Variants in ZMIZ1 observed in about 807,000 individuals in gnomAD.
ZMIZ1 encodes zinc finger MIZ-type containing 1, also known as zinc finger MIZ domain-containing protein 1.
A neutral mutation model predicts 113.9 loss-of-function variants in ZMIZ1; 17 were observed. The ratio of observed to expected loss-of-function variants is 0.15; its 90% CI spans 0.10 to 0.22. ZMIZ1 has a LOEUF of 0.22. ZMIZ1 is among the 10% of genes least tolerant of loss of function. The pLI is 1.00. For missense variants in ZMIZ1, 1,059 were observed against 1,477.8 expected, an observed-to-expected ratio of 0.72 and a Z score of 4.65; for synonymous variants, 607 against 603.1, an observed-to-expected ratio of 1.01 and a Z score of -0.09.
rs1410847261 is a variant in ZMIZ1 at position 79,296,393 on chromosome 10, C to T, written c.1231-78C>T. 2 of 1,507,258 alleles carry T rather than the reference C, an allele frequency of 1.3e-6. No homozygotes were observed. Among genetic ancestry groups the T allele is most frequent in the African/African-American group, 1.4e-5 (1 of 72,886 alleles). 93.4% of individuals were successfully genotyped at this position (1,507,258 alleles called of 1,614,324 possible). On this transcript the variant is annotated intron_variant, in intron 12 of 24. Coordinates refer to ENST00000334512, the MANE Select transcript of ZMIZ1 (RefSeq NM_020338.4). The surrounding 1 kb of genome is among the most constrained non-coding windows in gnomAD (Gnocchi z 4.1). ...GCAAATGAGGAGAGGCGGGCCCCAT[C>T]CCGTTGTTCAGGTGACCTGGCTATG...
chr10:79,073,357 G>A (rs1229684102), intron 1 of ZMIZ1, among the ~76,000 whole-genome samples: 1 of 152,220 alleles, frequency 6.6e-6, no homozygotes, highest in Non-Finnish European at 1.5e-5. Flanking sequence ...GCAAGTGCTA[G>A]AAGCATTTTG....
chr10:79,136,006 GGAAAACAAAGAGA>G (rs1844992543), intron 2 of ZMIZ1, among the ~76,000 whole-genome samples: 1 of 152,134 alleles, frequency 6.6e-6, no homozygotes, highest in African/African-American at 2.4e-5. Context: ...GAGGGCAGAT[GGAAAACAAAGAGA>G]GAAAACAAAG....
At position 79,208,361 on chromosome 10, in the gene ZMIZ1, A is replaced by C; in HGVS notation, c.86A>C (p.His29Pro). ...KQHLQNPANF[H>P]NAATELLDWC... Reference sequence around the variant, plus strand: ...CACTTACAGAATCCTGCCAACTTCCACAATGCCGCCACGGAGCTGCTGGAC... The same window carrying C: ...CACTTACAGAATCCTGCCAACTTCCCCAATGCCGCCACGGAGCTGCTGGAC... The change falls in exon 6 of 25, where the codon CAC becomes CCC. Residue 29 changes from histidine (H) to proline (P), a missense_variant. Physicochemically the swap from His to Pro is moderately conservative, Grantham distance 77 (BLOSUM62 -2). This residue lies in a region of ZMIZ1 where 272 missense variants were observed against 350.4 expected (regional missense o/e 0.78). Transcript: ENST00000334512. 1 of 1,613,934 alleles carries C rather than the reference A, an allele frequency of 6.2e-7. No individual in the cohort carries two copies. The highest frequency in any genetic ancestry group is 1.7e-5 in the Admixed American group (1 of 60,018).
chr10:79,140,008 G>A (rs968278851), intron 3 of ZMIZ1, among the ~76,000 whole-genome samples: 2 of 152,220 alleles, frequency 1.3e-5, no homozygotes, highest in Non-Finnish European at 2.9e-5. Context: ...CCAAAATGGG[G>A]CACTGGGCTC....
intron 3 of ZMIZ1, among the ~76,000 whole-genome samples, chr10:79,146,955 TG>T (rs1845515911): frequency 7.7e-6 from 1 of 130,528 alleles, no homozygotes. Context: ...CGTGTGTGTG[TG>T]TGTGTGTGTG....
In ZMIZ1 at chr10:79,300,842, A is replaced by T. The variant is rs1378883266; in HGVS notation, c.1919A>T (p.Glu640Val). The T allele has an allele frequency of 6.2e-7, 1 of 1,613,528 alleles. No homozygotes were observed. The highest frequency in any genetic ancestry group is 1.3e-5 in the African/African-American group (1 of 74,860). ...GTGAACGCCACGCCCCTCACCATTG[A>T]GCGCGGCGACAACAAGACCTCCCAC... ...VSVNATPLTI[E>V]RGDNKTSHKP... The change falls in exon 17 of 25, where the codon GAG becomes GTG. Residue 640 changes from glutamate (E) to valine (V), a missense_variant. Glu to Val is a moderately radical substitution (Grantham distance 121). Coordinates refer to ENST00000334512, the MANE Select transcript of ZMIZ1 (RefSeq NM_020338.4).
In ZMIZ1 at chr10:79,070,353, G is replaced by T. The variant is rs987669839; in HGVS notation, c.-337+1083G>T. Among the ~76,000 whole-genome samples, 23 of 152,180 alleles carry T rather than the reference G, an allele frequency of 1.5e-4. 1 individual carries two copies. The highest frequency in any genetic ancestry group is 1.5e-3 in the Admixed American group (23 of 15,288). On this transcript the variant is annotated intron_variant, in intron 1 of 24. Transcript: ENST00000334512. ...GGCTCCCCGCCCTGGAGCGGTGGGGGCGCGGGCGAGGGGCGGCCGCCTTCC... is the reference window on the plus strand; with the variant it reads ...GGCTCCCCGCCCTGGAGCGGTGGGGTCGCGGGCGAGGGGCGGCCGCCTTCC...
At chr10:79,081,981 G>A (rs949208675) in intron 1 of ZMIZ1, among the ~76,000 whole-genome samples, 7 of 152,248 alleles carry the variant, frequency 4.6e-5, no homozygotes, top group East Asian at 1.9e-4. Context: ...GAGGTCACAC[G>A]ACAAGTCCCT....
intron 5 of ZMIZ1, among the ~76,000 whole-genome samples, chr10:79,205,173 A>G (rs892233257): frequency 2.0e-5 from 3 of 152,234 alleles, no homozygotes; most frequent in Non-Finnish European, 2.9e-5. Context: ...AGAGATGGGC[A>G]GGCTTTCTGA....
chr10:79,249,152 C>A (rs1850389046), intron 7 of ZMIZ1, among the ~76,000 whole-genome samples: 2 of 152,226 alleles, frequency 1.3e-5, no homozygotes, highest in South Asian at 4.1e-4. Context: ...CTGCCTCTCA[C>A]TTCTGCTGCT....
chr10:79,077,331 C>T (rs566107480), intron 1 of ZMIZ1, among the ~76,000 whole-genome samples: 1 of 152,314 alleles, frequency 6.6e-6, no homozygotes, highest in South Asian at 2.1e-4. Context: ...GTCCTGAAAC[C>T]CTTTCCTGGT....
intron 3 of ZMIZ1, among the ~76,000 whole-genome samples, chr10:79,156,566 T>C (rs549382717): frequency 1.8e-4 from 27 of 152,298 alleles, no homozygotes; most frequent in African/African-American, 6.3e-4. Flanking sequence ...CCGAGGGGCA[T>C]GTGGCAAGGA....
intron 1 of ZMIZ1, among the ~76,000 whole-genome samples, chr10:79,090,698 C>T (rs111363873): frequency 0.028 from 4,234 of 152,324 alleles, 79 homozygotes; most frequent in Non-Finnish European, 0.042. Context: ...TTCACGGGTC[C>T]ATCTGGAGCA....
chr10:79,179,224 T>G (rs1169645379), intron 4 of ZMIZ1, among the ~76,000 whole-genome samples: 1 of 152,258 alleles, frequency 6.6e-6, no homozygotes, highest in African/African-American at 2.4e-5. Flanking sequence ...GCCTCAGTTT[T>G]ATAGCTGAGA....
rs79005081 is a variant in ZMIZ1 at position 79,110,028 on chromosome 10, G to T, written c.-336-8887G>T. ...CCCATAGGACTTGTTCCAGCTGTGA[G>T]CAAAGGAGATGAGGGGTGCTAGGCA... On this transcript the variant is annotated intron_variant, in intron 1 of 24. Coordinates refer to ENST00000334512, the MANE Select transcript of ZMIZ1 (RefSeq NM_020338.4). Among the ~76,000 whole-genome samples, 18 of 152,376 alleles carry T rather than the reference G, an allele frequency of 1.2e-4. No homozygotes were observed. The East Asian group carries it at 3.1e-3, about 26-fold the overall frequency.
rs1430318794 is a variant in ZMIZ1, at chr10:79,298,515, A to G, written c.1601A>G (p.Gln534Arg). ...ATCCCTCCATACCTGTCCCCCAGCC[A>G]AGACGTCAAACCACCCTTCCCGCCT... ...SSIPPYLSPS[Q>R]DVKPPFPPDI... Residue 534 changes from glutamine to arginine, a missense_variant, in exon 15 of 25, where the codon CAA (glutamine) becomes CGA (arginine). This residue lies in a region of ZMIZ1 where 239 missense variants were observed against 247.5 expected (regional missense o/e 0.97). Transcript: ENST00000334512. The G allele has an allele frequency of 1.2e-6, 2 of 1,601,530 alleles. No homozygotes were observed. The highest frequency in any genetic ancestry group is 1.7e-6 in the Non-Finnish European group (2 of 1,174,690).
chr10:79,287,595 A>C, intron 8 of ZMIZ1, among the ~76,000 whole-genome samples: 1 of 152,240 alleles, frequency 6.6e-6, no homozygotes. Context: ...ACCTTGACCC[A>C]AGGTGCACAT....
intron 18 of ZMIZ1, among the ~76,000 whole-genome samples, chr10:79,303,102 C>T (rs1291390895): frequency 2.0e-5 from 3 of 152,038 alleles, no homozygotes; most frequent in South Asian, 2.1e-4. Context: ...CCTCACGATC[C>T]GCCCACCTCG....
At chr10:79,277,394 A>G (rs1384831714) in intron 8 of ZMIZ1, 69 bp downstream of exon 8, 5 of 1,493,030 alleles carry the variant, frequency 3.3e-6, no homozygotes, top group Non-Finnish European at 3.6e-6. Context: ...CTCCTTGGAC[A>G]TGTCCCTGGG....
Sources: gnomAD v4.1 joint callset for allele counts (sites outside exome capture counted in the v4.1 genomes callset) on GRCh38, gnomAD v4.1.1 for gene constraint, gnomAD v4.1.1 regional missense constraint, Gnocchi (gnomAD v3.1) non-coding constraint, MANE v1.5 for transcripts, NCBI Gene and HGNC (gene_info 2026-07-23, HGNC 2026-07-21) for gene names.